The following TJP1 variants were observed in gnomAD, a reference collection of about 807,000 sequenced individuals.
TJP1 encodes tight junction protein 1.
Under a neutral mutation model 194.2 loss-of-function variants are expected in TJP1, and 43 were observed. The observed-to-expected ratio is 0.22, with a 90% confidence interval of 0.17 to 0.29. TJP1 has a LOEUF of 0.29. Ranked by LOEUF, TJP1 falls within the 10% of genes least tolerant of loss-of-function variation. The pLI is 1.00. For synonymous variants in TJP1, 801 were observed against 779.0 expected, an observed-to-expected ratio of 1.03 and a Z score of -0.47; for missense variants, 1,971 against 2,185.7, an observed-to-expected ratio of 0.90 and a Z score of 1.96.
intron 2 of TJP1, among the ~76,000 whole-genome samples, chr15:29,908,847 C>T (rs2152218466): frequency 6.6e-6 from 1 of 152,148 alleles, no homozygotes; most frequent in Middle Eastern, 3.4e-3. Context: ...GGTGAAACCC[C>T]ATCCCTACTA....
At chr15:29,711,801 T>C (rs1483848992) in intron 23 of TJP1, among the ~76,000 whole-genome samples, 2 of 151,956 alleles carry the variant, frequency 1.3e-5, no homozygotes, top group African/African-American at 2.4e-5. Flanking sequence ...TTTTGGCCCA[T>C]ACAGTCTTTG....
chr15:29,899,118 T>C (rs1371626005), intron 2 of TJP1, among the ~76,000 whole-genome samples: 2 of 152,156 alleles, frequency 1.3e-5, no homozygotes, highest in South Asian at 4.1e-4. Context: ...ATTTTGTACA[T>C]TCAATCAGTA....
At chr15:29,807,017 A>C (rs992411369) in intron 1 of TJP1, among the ~76,000 whole-genome samples, 1 of 152,230 alleles carries the variant, frequency 6.6e-6, no homozygotes, top group Admixed American at 6.5e-5. Context: ...CAAAATAAGA[A>C]GGCAGCAACC....
chr15:29,755,216 C>T (rs2045568562), intron 8 of TJP1, among the ~76,000 whole-genome samples: 1 of 152,102 alleles, frequency 6.6e-6, no homozygotes, highest in Non-Finnish European at 1.5e-5. Flanking sequence ...ACCATATAGC[C>T]TGGGTGTGTG....
At chr15:29,713,108 C>CA (rs2042341052) in intron 23 of TJP1, among the ~76,000 whole-genome samples, 1 of 152,218 alleles carries the variant, frequency 6.6e-6, no homozygotes, top group African/African-American at 2.4e-5. Flanking sequence ...AACTGAACAT[C>CA]AGTCTCTCAC....
chr15:29,740,097 C>G (rs1276873544), intron 10 of TJP1, among the ~76,000 whole-genome samples: 2 of 151,938 alleles, frequency 1.3e-5, no homozygotes, highest in African/African-American at 4.8e-5. Context: ...ACGCCATTCT[C>G]CTGCCTCAAC....
chr15:29,717,386 T>C (rs1303772037), intron 22 of TJP1, among the ~76,000 whole-genome samples: 2 of 152,324 alleles, frequency 1.3e-5, no homozygotes, highest in East Asian at 1.9e-4. Flanking sequence ...TGCAAACATA[T>C]ATTCAGTCAA....
chr15:29,872,116 A>G (rs2052547121), intron 2 of TJP1, among the ~76,000 whole-genome samples: 1 of 152,180 alleles, frequency 6.6e-6, no homozygotes, highest in South Asian at 2.1e-4. Flanking sequence ...AGGAAGGCCT[A>G]TGAGGCTGTC....
At chr15:29,845,276 C>T (rs1189905783) in intron 2 of TJP1, among the ~76,000 whole-genome samples, 1 of 152,146 alleles carries the variant, frequency 6.6e-6, no homozygotes, top group Non-Finnish European at 1.5e-5. Flanking sequence ...CTCTTCCTCT[C>T]TCTTCCCTAA....
At chr15:29,703,111 C>T (rs260527) in intron 27 of TJP1, among the ~76,000 whole-genome samples, 143,518 of 152,286 alleles carry the variant, frequency 0.94, 67,832 homozygotes, top group East Asian at 1. Flanking sequence ...ATGATCACAA[C>T]GGAAGATCTT....
In TJP1 at chr15:29,822,391, G is replaced by A. The variant is rs1030102802; in HGVS notation, c.-363C>T. 3 of 1,009,094 alleles carry A rather than the reference G, an allele frequency of 3.0e-6. No homozygotes were observed. In the Admixed American group the frequency reaches 1.8e-4, roughly 60 times the overall value. The allele number at this position is 1,009,094 out of a possible 1,614,324, so 62.5% of individuals were successfully genotyped here. On this transcript the variant is annotated 5_prime_UTR_variant, in exon 1 of 28. In the 5' UTR this introduces an upstream ATG that the reference lacks. Transcript: ENST00000614355. ...TCTCCTCGGAAGCCGGCTTCGCCAC[G>A]TAACTTCCCGGGAACCGGCGGCCGC...
intron 2 of TJP1, among the ~76,000 whole-genome samples, chr15:29,779,644 A>G (rs1266008571): frequency 1.3e-5 from 2 of 152,230 alleles, no homozygotes; most frequent in African/African-American, 4.8e-5. Context: ...TATTTGATTG[A>G]TTATTCAATT....
intron 2 of TJP1, among the ~76,000 whole-genome samples, chr15:29,868,519 G>C (rs1317749708): frequency 6.6e-6 from 1 of 152,118 alleles, no homozygotes; most frequent in Non-Finnish European, 1.5e-5. Context: ...GGACTGTTGA[G>C]TTCTCCTTTC....
chr15:29,732,660 G>A lies in TJP1; in HGVS notation c.1892C>T (p.Pro631Leu). Residue 631 changes from proline to leucine, a missense_variant, in exon 14 of 28, where the codon CCA becomes CTA. Pro to Leu is a moderately conservative substitution (Grantham distance 98). Transcript: ENST00000614355. ...LSAQPVQTKF[P>L]AYERVVLREA... is the part of the protein sequence containing the mutation. The stretch of plus-strand genomic sequence containing the variant: ...TCGAAGAACCACTCTTTCATAAGCT[G>A]GAAACTTTGTTTGAACAGGCTGAGC... The A allele has an allele frequency of 6.2e-7, 1 of 1,614,082 alleles. No individual in the cohort carries two copies. The highest frequency in any genetic ancestry group is 8.5e-7 in the Non-Finnish European group (1 of 1,179,990).
At chr15:29,704,115 A>G in intron 27 of TJP1, 47 bp downstream of exon 27, 1 of 1,537,000 alleles carries the variant, frequency 6.5e-7, no homozygotes, top group Non-Finnish European at 8.8e-7. Context: ...GGTATTAATC[A>G]ACGACAGTCC....
intron 2 of TJP1, among the ~76,000 whole-genome samples, chr15:29,887,591 G>T (rs536844827): frequency 1.3e-5 from 2 of 151,926 alleles, no homozygotes; most frequent in African/African-American, 2.4e-5. Flanking sequence ...ATGAGCCACC[G>T]CACCTGGCCT....
intron 13 of TJP1, 132 bp from the exon 14 acceptor site, chr15:29,732,947 G>A: frequency 8.0e-7 from 1 of 1,249,570 alleles, no homozygotes; most frequent in South Asian, 1.6e-5. Context: ...TTATAATAAA[G>A]AGGAGTTTGT....
At chr15:29,916,897 C>T (rs2054204336) in intron 2 of TJP1, among the ~76,000 whole-genome samples, 1 of 152,132 alleles carries the variant, frequency 6.6e-6, no homozygotes, top group East Asian at 1.9e-4. Context: ...TCCTTTCAAG[C>T]CCTACCCTTA....
rs397975539 is a variant in TJP1, at chr15:29,864,237, C to CAAAAAAAA, written c.307-63543_307-63536dup. On this transcript the variant is annotated intron_variant, in intron 2 of 28. Coordinates refer to the TJP1 transcript ENST00000356107. ...TGAAACCCCGTCTCTACTAAAAATA[C>CAAAAAAAA]AAAAAAAAAAAAAAAAAAAAAAAAA... Among the ~76,000 whole-genome samples, 127 of 18,950 alleles carry CAAAAAAAA rather than the reference C, an allele frequency of 6.7e-3. 14 individuals are homozygous for CAAAAAAAA. The highest frequency in any genetic ancestry group is 0.012 in the East Asian group (5 of 408). 12.4% of individuals were successfully genotyped at this position (18,950 alleles called of 152,430 possible). A position where few individuals can be genotyped will look rare whatever the true frequency, so the allele number is the denominator to read the frequency against.
Sources: gnomAD v4.1 joint callset for allele counts (sites outside exome capture counted in the v4.1 genomes callset) on GRCh38, gnomAD v4.1.1 for gene constraint, MANE v1.5 for transcripts, NCBI Gene and HGNC (gene_info 2026-07-23, HGNC 2026-07-21) for gene names.